PDE10A: variants seen among roughly 807,000 people sequenced by gnomAD.
The protein encoded by PDE10A is phosphodiesterase 10A.
In PDE10A, 39 loss-of-function variants were observed where a neutral mutation model predicts 97.7. That is an observed-to-expected ratio of 0.40 (90% CI 0.31 to 0.52). The LOEUF (loss-of-function observed/expected upper bound fraction) is 0.52. Ranked by LOEUF, PDE10A falls within the 20% of genes least tolerant of loss-of-function variation. PDE10A has a pLI of 0.56. For missense variants in PDE10A, 731 were observed against 1,047.8 expected (o/e 0.70, Z 4.17); for synonymous variants, 371 against 376.8 (o/e 0.98, Z 0.18).
chr6:165,752,414 C>G (rs146774045), intron 1 of PDE10A, among the ~76,000 whole-genome samples: 1 of 152,296 alleles, frequency 6.6e-6, no homozygotes, highest in Non-Finnish European at 1.5e-5. Flanking sequence ...ATGTGTCCAG[C>G]TGCACTGAAC....
intron 16 of PDE10A, among the ~76,000 whole-genome samples, chr6:165,390,917 G>A (rs1408103140): frequency 6.6e-6 from 1 of 152,158 alleles, no homozygotes; most frequent in African/African-American, 2.4e-5. Flanking sequence ...AATTAATTAT[G>A]TTGTTAGTAT....
At chr6:165,780,446 T>C (rs1778311946) in intron 1 of PDE10A, 1 of 152,214 alleles carries the variant, frequency 6.6e-6, no homozygotes, top group Non-Finnish European at 1.5e-5. Context: ...TAAAAATACT[T>C]ATAAAAGTGT....
At chr6:165,417,331 T>A (rs550273672) in intron 11 of PDE10A, among the ~76,000 whole-genome samples, 49 of 152,256 alleles carry the variant, frequency 3.2e-4, no homozygotes, top group African/African-American at 1.1e-3. Context: ...CTTCTTTGCG[T>A]TGGTCTGAGA....
intron 1 of PDE10A, among the ~76,000 whole-genome samples, chr6:165,917,371 A>G (rs1210946603): frequency 6.6e-6 from 1 of 152,152 alleles, no homozygotes; most frequent in African/African-American, 2.4e-5. Context: ...GAAGGCACAC[A>G]TCACCTCCAT....
intron 1 of PDE10A, among the ~76,000 whole-genome samples, chr6:165,645,618 CTG>C (rs1431557883): frequency 2.6e-5 from 4 of 152,100 alleles, no homozygotes; most frequent in African/African-American, 4.8e-5. Context: ...CTTTGGGAGG[CTG>C]AGGTGGGCAG....
At chr6:165,602,952 T>C (rs1787035237) in intron 1 of PDE10A, among the ~76,000 whole-genome samples, 1 of 152,234 alleles carries the variant, frequency 6.6e-6, no homozygotes, top group African/African-American at 2.4e-5. Context: ...TAACCTAGTT[T>C]GTATTACATT....
At chr6:165,816,081 C>T (rs1016979846) in intron 1 of PDE10A, among the ~76,000 whole-genome samples, 2 of 152,034 alleles carry the variant, frequency 1.3e-5, no homozygotes, top group African/African-American at 4.8e-5. Context: ...TCCTGAGTAG[C>T]TGGGACTACA....
At chr6:165,699,898 A>G (rs1317666672) in intron 1 of PDE10A, among the ~76,000 whole-genome samples, 2 of 152,158 alleles carry the variant, frequency 1.3e-5, no homozygotes, top group African/African-American at 2.4e-5. Flanking sequence ...TCAAATCAAT[A>G]ACCTAACTTT....
chr6:165,565,665 C>A (rs1218996798), intron 1 of PDE10A, among the ~76,000 whole-genome samples: 1 of 152,084 alleles, frequency 6.6e-6, no homozygotes, highest in South Asian at 2.1e-4. Flanking sequence ...ACTGACAATA[C>A]CCAACTTCAA....
intron 2 of PDE10A, among the ~76,000 whole-genome samples, chr6:165,508,243 C>T (rs187284896): frequency 1.3e-4 from 20 of 152,168 alleles, no homozygotes; most frequent in Admixed American, 1.2e-3. Flanking sequence ...TCCCAAGCAA[C>T]CATTGATCTG....
chr6:165,866,883 G>T (rs2453399), intron 1 of PDE10A, among the ~76,000 whole-genome samples: 109,835 of 151,624 alleles, frequency 0.72, 40,224 homozygotes, highest in East Asian at 0.96. Context: ...GTCTTTCTCA[G>T]ACAAGCAAAA....
At chr6:165,811,849 ATTTTTTAT>A (rs367549983) in intron 1 of PDE10A, among the ~76,000 whole-genome samples, 2,813 of 151,098 alleles carry the variant, frequency 0.019, 46 homozygotes, top group Middle Eastern at 0.087. Flanking sequence ...AGTGTCTTTT[ATTTTTTAT>A]TTTTTTATTT....
Position 165,336,577 on chromosome 6 carries a change from G to A in PDE10A, c.2977-366C>T, listed in dbSNP as rs537872691. ...ATCCTGGCTAACAAGGTGAAACCCC[G>A]TCTCTACTAAAAATACAAAAAATTA... On this transcript the variant is annotated intron_variant, in intron 20 of 21. Coordinates refer to ENST00000539869, the MANE Select transcript of PDE10A (RefSeq NM_001385079.1). Among the ~76,000 whole-genome samples the A allele has an allele frequency of 6.8e-3, 1,028 of 151,098 alleles. 13 individuals are homozygous for A. Among genetic ancestry groups the A allele is most frequent in the African/African-American group, 0.024 (986 of 41,110 alleles).
intron 1 of PDE10A, among the ~76,000 whole-genome samples, chr6:165,968,871 G>A (rs1374046265): frequency 6.6e-6 from 1 of 152,180 alleles, no homozygotes; most frequent in African/African-American, 2.4e-5. Flanking sequence ...ACCAGGCTGC[G>A]GGCTTGAACC....
chr6:165,493,164 C>T (rs1451406982), intron 2 of PDE10A, among the ~76,000 whole-genome samples: 1 of 152,058 alleles, frequency 6.6e-6, no homozygotes, highest in Non-Finnish European at 1.5e-5. Flanking sequence ...AACTAGAAAA[C>T]ACTGCTGAAA....
At chr6:165,576,567 A>C (rs1247835955) in intron 1 of PDE10A, 2 of 687,770 alleles carry the variant, frequency 2.9e-6, no homozygotes, top group African/African-American at 1.8e-5. Context: ...AAAAAAATCA[A>C]ATAACTAACA....
intron 1 of PDE10A, among the ~76,000 whole-genome samples, chr6:165,959,918 A>T (rs1281339851): frequency 6.6e-6 from 1 of 152,152 alleles, no homozygotes; most frequent in Non-Finnish European, 1.5e-5. Flanking sequence ...ACACACCCAG[A>T]GGCGACTTCC....
chr6:165,871,330 T>C (rs929932009), intron 1 of PDE10A, among the ~76,000 whole-genome samples: 34 of 152,256 alleles, frequency 2.2e-4, no homozygotes, highest in Non-Finnish European at 5.9e-5. Flanking sequence ...ATGTGTGCTT[T>C]ACTTTTTTAA....
At chr6:165,959,724 C>G (rs62425368) in intron 1 of PDE10A, among the ~76,000 whole-genome samples, 7,242 of 152,106 alleles carry the variant, frequency 0.048, 227 homozygotes, top group Middle Eastern at 0.13. Context: ...TGAGACCTCC[C>G]GAGTAGGGTC....
Sources: allele counts gnomAD v4.1 joint callset (sites outside exome capture counted in the v4.1 genomes callset), GRCh38; gene constraint gnomAD v4.1.1; transcripts MANE v1.5; gene names NCBI Gene and HGNC (gene_info 2026-07-23, HGNC 2026-07-21).